SLC39A11: variants seen among roughly 807,000 people sequenced by gnomAD.
The protein encoded by SLC39A11 is zinc transporter ZIP11.
Under a neutral mutation model 36.1 loss-of-function variants are expected in SLC39A11, and 33 were observed. That is an observed-to-expected ratio of 0.91 (90% CI 0.69 to 1.22). The LOEUF (loss-of-function observed/expected upper bound fraction) is 1.22, where lower values mean the gene tolerates loss of function less well. Among genes scored for constraint, SLC39A11 ranks in the 50% most tolerant of loss-of-function variants. The pLI is 0.00. For missense variants in SLC39A11, 432 were observed against 430.3 expected (o/e 1.00, Z -0.03); for synonymous variants, 166 against 170.3 (o/e 0.97, Z 0.20).
At chr17:72,850,808 T>C (rs1244539011) in intron 5 of SLC39A11, among the ~76,000 whole-genome samples, 1 of 152,210 alleles carries the variant, frequency 6.6e-6, no homozygotes, top group Non-Finnish European at 1.5e-5. Context: ...ATTGTATTGA[T>C]GGTTATTGTT....
rs1457383730 is a variant in SLC39A11, at chr17:72,646,555, G to C, written c.*1029C>G. ...TATCCCCTTCTTCCTTTCCCATCCT[G>C]AGCCCTCTGGCAAGGCCTGTTGCAG... On this transcript the variant is annotated 3_prime_UTR_variant, in exon 10 of 10. Coordinates refer to ENST00000255559, the MANE Select transcript of SLC39A11 (RefSeq NM_139177.4). The C allele has an allele frequency of 6.6e-6, 1 of 151,944 alleles. No individual in the cohort carries two copies. The highest frequency in any genetic ancestry group is 1.5e-5 in the Non-Finnish European group (1 of 67,948). 9.4% of individuals were successfully genotyped at this position (151,944 alleles called of 1,614,324 possible).
intron 5 of SLC39A11, among the ~76,000 whole-genome samples, chr17:72,914,533 T>C (rs2083223997): frequency 6.6e-6 from 1 of 152,082 alleles, no homozygotes; most frequent in Non-Finnish European, 1.5e-5. Flanking sequence ...CAGATTTCGG[T>C]ATCCACAGGG....
intron 6 of SLC39A11, among the ~76,000 whole-genome samples, chr17:72,743,903 C>A (rs1209630024): frequency 6.6e-6 from 1 of 152,186 alleles, no homozygotes; most frequent in Non-Finnish European, 1.5e-5. Context: ...AACTGCCTGG[C>A]CTGGGTTAGT....
intron 4 of SLC39A11, among the ~76,000 whole-genome samples, chr17:72,958,551 C>T (rs752215800): frequency 7.2e-5 from 11 of 152,100 alleles, no homozygotes; most frequent in African/African-American, 1.2e-4. Flanking sequence ...CATGAATAGA[C>T]AATTCTCAAA....
intron 4 of SLC39A11, among the ~76,000 whole-genome samples, chr17:73,017,516 C>T (rs905848786): frequency 1.4e-4 from 21 of 152,054 alleles, no homozygotes; most frequent in Non-Finnish European, 4.4e-5. Context: ...AGTTCGAGAC[C>T]AGCCTGAGCA....
rs972491140 is a variant in SLC39A11, at chr17:73,038,685, C to T, written c.148-6971G>A. On this transcript the variant is annotated intron_variant, in intron 3 of 9. Coordinates refer to ENST00000255559, the MANE Select transcript of SLC39A11 (RefSeq NM_139177.4). ...TGGAGCCACTGCACTCTAGCCTGGG[C>T]GACAGAGCAATACTCTGTTGAAAAA... Among the ~76,000 whole-genome samples, 8 of 147,340 alleles carry T rather than the reference C, an allele frequency of 5.4e-5. No homozygotes were observed. In the South Asian group the frequency reaches 6.5e-4, roughly 12 times the overall value.
At chr17:72,922,919 G>C (rs896491300) in intron 5 of SLC39A11, among the ~76,000 whole-genome samples, 4 of 132,026 alleles carry the variant, frequency 3.0e-5, no homozygotes, top group African/African-American at 1.1e-4. Context: ...AGTGAGCTGA[G>C]AGTGCGCCAC....
chr17:72,784,388 G>A (rs1302172504), intron 6 of SLC39A11, among the ~76,000 whole-genome samples: 1 of 152,068 alleles, frequency 6.6e-6, no homozygotes, highest in African/African-American at 2.4e-5. Context: ...CGTGGGGCTG[G>A]AAGATAACAC....
At chr17:73,046,294 C>A (rs1389349826) in intron 3 of SLC39A11, among the ~76,000 whole-genome samples, 1 of 152,162 alleles carries the variant, frequency 6.6e-6, no homozygotes, top group Non-Finnish European at 1.5e-5. Flanking sequence ...CATTCCACCA[C>A]TCGTGAAAAT....
At chr17:72,852,599 ATGTGCG>A (rs1359551950) in intron 5 of SLC39A11, among the ~76,000 whole-genome samples, 1 of 152,076 alleles carries the variant, frequency 6.6e-6, no homozygotes, top group East Asian at 1.9e-4. Flanking sequence ...GTGCATGTGT[ATGTGCG>A]TGTGGGTGCA....
At chr17:73,003,321 T>C (rs999668872) in intron 4 of SLC39A11, among the ~76,000 whole-genome samples, 3 of 152,126 alleles carry the variant, frequency 2.0e-5, no homozygotes, top group Admixed American at 6.6e-5. Context: ...AGAAATTGAG[T>C]TGTGTGTGCT....
In SLC39A11 at chr17:72,922,956, T is replaced by C. The variant is rs1246811589; in HGVS notation, c.430+24796A>G. 4.5e-3 allele frequency among the ~76,000 whole-genome samples: 274 copies of C among 60,736 alleles called. 2 individuals carry two copies. Among genetic ancestry groups the C allele is most frequent in the African/African-American group, 0.022 (266 of 12,246 alleles). The allele number at this position is 60,736 out of a possible 152,430, so 39.8% of individuals were successfully genotyped here. ...AGCCTGGGTGATAGAGTGGGACTCC[T>C]TCTCAAAAAAAAAAAAAAAAAAAAA... On this transcript the variant is annotated intron_variant, in intron 5 of 9. Coordinates refer to ENST00000255559, the MANE Select transcript of SLC39A11 (RefSeq NM_139177.4).
At chr17:72,863,699 T>A (rs2080158494) in intron 5 of SLC39A11, among the ~76,000 whole-genome samples, 1 of 152,178 alleles carries the variant, frequency 6.6e-6, no homozygotes, top group South Asian at 2.1e-4. Context: ...CCTTGTAGAA[T>A]CGCCCATGCC....
At chr17:73,017,095 G>A (rs979067367) in intron 4 of SLC39A11, among the ~76,000 whole-genome samples, 3 of 152,186 alleles carry the variant, frequency 2.0e-5, no homozygotes, top group African/African-American at 4.8e-5. Flanking sequence ...CCTTCATTTA[G>A]AAGGCAAAGT....
chr17:72,682,966 C>T (rs1230184088), intron 7 of SLC39A11, among the ~76,000 whole-genome samples: 1 of 152,190 alleles, frequency 6.6e-6, no homozygotes, highest in Non-Finnish European at 1.5e-5. Flanking sequence ...TGCCAGCAAA[C>T]CAAAGAAAAA....
intron 5 of SLC39A11, among the ~76,000 whole-genome samples, chr17:72,916,679 G>T (rs1278679522): frequency 6.6e-6 from 1 of 152,114 alleles, no homozygotes; most frequent in Non-Finnish European, 1.5e-5. Context: ...GGCCAAGTTC[G>T]AGAGATACAT....
intron 3 of SLC39A11, among the ~76,000 whole-genome samples, chr17:73,042,856 G>A (rs1422021594): frequency 1.3e-5 from 2 of 152,160 alleles, no homozygotes; most frequent in Non-Finnish European, 2.9e-5. Flanking sequence ...CAGAAGCCAA[G>A]AGTTGTCTCC....
At chr17:72,904,396 A>G (rs1305624021) in intron 5 of SLC39A11, among the ~76,000 whole-genome samples, 1 of 152,214 alleles carries the variant, frequency 6.6e-6, no homozygotes, top group East Asian at 1.9e-4. Flanking sequence ...AATTTTCACC[A>G]TACAGTGTCC....
chr17:72,931,421 C>T (rs573788408), intron 5 of SLC39A11, among the ~76,000 whole-genome samples: 1 of 152,330 alleles, frequency 6.6e-6, no homozygotes, highest in East Asian at 1.9e-4. Context: ...CCTGCTACTG[C>T]ATCTGTTCAC....
Sources: gnomAD v4.1 joint callset for allele counts (sites outside exome capture counted in the v4.1 genomes callset) on GRCh38, gnomAD v4.1.1 for gene constraint, MANE v1.5 for transcripts, NCBI Gene and HGNC (gene_info 2026-07-23, HGNC 2026-07-21) for gene names.